The following NFIX variants were observed in gnomAD, a reference collection of about 807,000 sequenced individuals.
The protein encoded by NFIX is nuclear factor I X, also known as nuclear factor 1 X-type.
NFIX carries 2 observed loss-of-function variants against 53.3 expected under a neutral mutation model. The observed-to-expected ratio is 0.04, with a 90% CI of 0.02 to 0.12. The LOEUF is 0.12. NFIX is among the 10% of genes least tolerant of loss of function. NFIX has a pLI of 1.00. For synonymous variants in NFIX, 244 were observed against 289.0 expected (o/e 0.84, Z 1.58); for missense variants, 310 against 674.5 (o/e 0.46, Z 5.99).
chr19:13,091,872 C>T (rs1013824560), intron 10 of NFIX, among the ~76,000 whole-genome samples: 19 of 152,250 alleles, frequency 1.2e-4, no homozygotes, highest in African/African-American at 3.9e-4. Context: ...ACCCTGTTTC[C>T]GCTGCCTCCT....
chr19:13,017,838 G>A lies in NFIX; in HGVS notation c.28-7183G>A, dbSNP rs904412804. The stretch of plus-strand genomic sequence containing the variant: ...GTTCTTCTTCAGAAAGAGTTATGAA[G>A]CTGGCCTGTGCAGTTCTTCCCTCTT... On this transcript the variant is annotated intron_variant, in intron 1 of 10. Transcript: ENST00000592199. 3.3e-5 allele frequency among the ~76,000 whole-genome samples: 5 copies of A among 152,204 alleles called. No homozygotes were observed. The East Asian group carries it at 7.7e-4, about 23-fold the overall frequency.
At chr19:13,085,161 T>A (rs2017702535) in intron 8 of NFIX, among the ~76,000 whole-genome samples, 1 of 151,842 alleles carries the variant, frequency 6.6e-6, no homozygotes, top group South Asian at 2.1e-4. Context: ...CACTGCACAG[T>A]CACAAGACCT....
At chr19:13,086,061 G>C (rs1443655968) in intron 8 of NFIX, among the ~76,000 whole-genome samples, 1 of 152,238 alleles carries the variant, frequency 6.6e-6, no homozygotes, top group African/African-American at 2.4e-5. Context: ...TTTTTGAGCA[G>C]GTCTTGAAGG....
rs907720373 is a variant in NFIX at position 13,022,648 on chromosome 19, G to A, written c.28-2373G>A. On this transcript the variant is annotated intron_variant, in intron 1 of 10. Transcript: ENST00000592199. This position sits in a 1 kb window ranked among gnomAD's most constrained non-coding sequence, Gnocchi z 4.5. ...ACAGAAAAAGAGAGTGTGCAGGCCC[G>A]AGAGAAAGACTGAAACCAAAACACA... Among the ~76,000 whole-genome samples the A allele has an allele frequency of 5.3e-5, 8 of 152,054 alleles. No individual in the cohort carries two copies. The highest frequency in any genetic ancestry group is 3.9e-4 in the East Asian group (2 of 5,172).
At chr19:13,064,883 A>G (rs1171454922) in intron 2 of NFIX, among the ~76,000 whole-genome samples, 2 of 152,198 alleles carry the variant, frequency 1.3e-5, no homozygotes, top group Non-Finnish European at 1.5e-5. Context: ...AGCCCCAACT[A>G]TGAGCCAGGC....
Position 13,072,926 on chromosome 19 carries a change from G to C in NFIX, c.560-121G>C. The C allele has an allele frequency of 1.0e-6, 1 of 954,256 alleles. No homozygotes were observed. The highest frequency in any genetic ancestry group is 1.7e-6 in the Non-Finnish European group (1 of 584,104). The allele number at this position is 954,256 out of a possible 1,614,324, so 59.1% of individuals were successfully genotyped here. On this transcript the variant is annotated intron_variant, in intron 2 of 10. Transcript: ENST00000592199. This position sits in a 1 kb window ranked among gnomAD's most constrained non-coding sequence, Gnocchi z 4.0. ...TGGTTTGGGGAGAGGGTGGGGTGAA[G>C]GTTTCTGTAGCCAGGGTGGGCCGTC...
intron 1 of NFIX, among the ~76,000 whole-genome samples, chr19:13,003,288 G>A (rs540326850): frequency 1.6e-4 from 24 of 152,186 alleles, no homozygotes; most frequent in Admixed American, 1.2e-3. Context: ...GGCCACACCC[G>A]AACACATCGA....
rs1462587411 is a variant in NFIX at position 13,094,139 on chromosome 19, G to A, written c.1495-496G>A. ...TCCCCTGCCCCCAGTCTTTCAGCCT[G>A]TGGGACCTTGGCTGGGGTATATAGA... On this transcript the variant is annotated intron_variant, in intron 10 of 10. Transcript: ENST00000592199. This position sits in a 1 kb window ranked among gnomAD's most constrained non-coding sequence, Gnocchi z 4.3. 6.6e-6 allele frequency among the ~76,000 whole-genome samples: 1 copy of A among 152,200 alleles called. No homozygotes were observed. Among genetic ancestry groups the A allele is most frequent in the Non-Finnish European group, 1.5e-5 (1 of 68,030 alleles).
rs2016870148 is a variant in NFIX, at chr19:13,073,187, C to A, written c.622+78C>A. The stretch of plus-strand genomic sequence containing the variant: ...CCTTCCCCCACCCTGGCTGCCCTGG[C>A]CACCCTCACTTCTTCCCCTTCATTC... On this transcript the variant is annotated intron_variant, in intron 3 of 10. Transcript: ENST00000592199. This position sits in a 1 kb window ranked among gnomAD's most constrained non-coding sequence, Gnocchi z 4.5. 30 of 1,374,652 alleles carry A rather than the reference C, an allele frequency of 2.2e-5. 1 individual carries two copies. In the South Asian group the frequency reaches 3.3e-4, roughly 15 times the overall value. 85.2% of individuals were successfully genotyped at this position (1,374,652 alleles called of 1,614,324 possible).
intron 1 of NFIX, among the ~76,000 whole-genome samples, chr19:13,007,740 C>T (rs561857220): frequency 1.3e-5 from 2 of 149,882 alleles, no homozygotes; most frequent in South Asian, 2.2e-4. Flanking sequence ...GCGCCTCTCT[C>T]GGCACTAAAC....
At position 13,094,657 on chromosome 19, in the gene NFIX, G is replaced by T; in HGVS notation, c.*8G>T. 6.5e-7 allele frequency: 1 copy of T among 1,535,846 alleles called. No homozygotes were observed. The highest frequency in any genetic ancestry group is 8.7e-7 in the Non-Finnish European group (1 of 1,146,668). On this transcript the variant is annotated 3_prime_UTR_variant, in exon 11 of 11. Transcript: ENST00000592199. This position sits in a 1 kb window ranked among gnomAD's most constrained non-coding sequence, Gnocchi z 4.3. ...CAGTCCTGGTTCCTCTGATAAGATCGACAAAAGAAACAACAAAATGAGAAG... is the reference window on the plus strand; with the variant it reads ...CAGTCCTGGTTCCTCTGATAAGATCTACAAAAGAAACAACAAAATGAGAAG...
chr19:13,050,427 T>G (rs2015256582), intron 2 of NFIX, among the ~76,000 whole-genome samples: 1 of 152,228 alleles, frequency 6.6e-6, no homozygotes, highest in Non-Finnish European at 1.5e-5. Flanking sequence ...AGTCCCTCCC[T>G]CTGAGGGGGC....
chr19:13,090,431 G>A lies in NFIX; in HGVS notation c.1494+41G>A. On this transcript the variant is annotated intron_variant, in intron 10 of 10. Coordinates refer to ENST00000592199, the MANE Select transcript of NFIX (RefSeq NM_001365902.3). The surrounding 1 kb of genome is among the most constrained non-coding windows in gnomAD (Gnocchi z 6.6). ...CACCACCTGGATGCAGGGACCAGGG[G>A]AGTAGTCAGGGTTGGGGGGCATCTT... is the stretch of plus-strand genomic sequence containing the variant. 5.1e-6 allele frequency: 8 copies of A among 1,575,878 alleles called. No individual in the cohort carries two copies. The highest frequency in any genetic ancestry group is 7.0e-6 in the Non-Finnish European group (8 of 1,145,634).
At position 12,998,742 on chromosome 19, in the gene NFIX, G is replaced by A. The variant is rs1160987629; in HGVS notation, c.27+2878G>A. On this transcript the variant is annotated intron_variant, in intron 1 of 10. Transcript: ENST00000592199. This position sits in a 1 kb window ranked among gnomAD's most constrained non-coding sequence, Gnocchi z 4.4. The stretch of plus-strand genomic sequence containing the variant: ...ACCCACGACCATCGACGAGCCTACA[G>A]ACCTACGGACACAGGAAACCGACGA... Among the ~76,000 whole-genome samples the A allele has an allele frequency of 6.6e-6, 1 of 152,156 alleles. No individual in the cohort carries two copies. Among genetic ancestry groups the A allele is most frequent in the East Asian group, 1.9e-4 (1 of 5,194 alleles).
intron 2 of NFIX, among the ~76,000 whole-genome samples, chr19:13,034,089 T>C (rs1331732433): frequency 2.0e-5 from 3 of 152,196 alleles, no homozygotes; most frequent in Admixed American, 6.5e-5. Flanking sequence ...TACCTGGAGC[T>C]CATTCTGAGG....
rs1481181238 is a variant in NFIX at position 12,998,618 on chromosome 19, C to A, written c.27+2754C>A. 6.6e-6 allele frequency among the ~76,000 whole-genome samples: 1 copy of A among 152,024 alleles called. No homozygotes were observed. Among genetic ancestry groups the A allele is most frequent in the Non-Finnish European group, 1.5e-5 (1 of 68,006 alleles). ...GATGGACCCCCATCCCCATCCCAAC[C>A]CTGCCAAGAAACAGAGACACAACCA... is the stretch of plus-strand genomic sequence containing the variant. On this transcript the variant is annotated intron_variant, in intron 1 of 10. Transcript: ENST00000592199. The surrounding 1 kb of genome is among the most constrained non-coding windows in gnomAD (Gnocchi z 4.4).
At chr19:12,999,487 AACACACACACACACAC>A (rs111890375) in intron 1 of NFIX, among the ~76,000 whole-genome samples, 1,749 of 149,488 alleles carry the variant, frequency 0.012, 37 homozygotes, top group African/African-American at 0.041. Flanking sequence ...TACCTTTTCA[AACACACACACACACAC>A]ACACACACAC....
intron 2 of NFIX, among the ~76,000 whole-genome samples, chr19:13,046,472 C>T (rs755215001): frequency 2.6e-5 from 4 of 151,732 alleles, no homozygotes; most frequent in East Asian, 1.9e-4. Context: ...CCTTCCCCCC[C>T]CCTCTTTTTT....
Position 13,090,373 on chromosome 19 carries a change from A to T in NFIX, c.1477A>T (p.Ile493Phe). Residue 493 changes from isoleucine (I) to phenylalanine (F), a missense_variant, in exon 10 of 11, where the codon ATC (isoleucine) becomes TTC (phenylalanine). Ile to Phe is a conservative substitution (Grantham distance 21). This residue lies in a region of NFIX where 44 missense variants were observed against 73.4 expected (regional missense o/e 0.60). Coordinates refer to ENST00000592199, the MANE Select transcript of NFIX (RefSeq NM_001365902.3). The surrounding 1 kb of genome is among the most constrained non-coding windows in gnomAD (Gnocchi z 6.6). Reference sequence around the variant, plus strand: ...ACCCCGGGACGGCAACTTTCTGAACATCCCACAGCAGTCTCAGGTAGGAGA... The same window carrying T: ...ACCCCGGGACGGCAACTTTCTGAACTTCCCACAGCAGTCTCAGGTAGGAGA... ...IGPRDGNFLN[I>F]PQQSQSWFL 1 of 1,613,556 alleles carries T rather than the reference A, an allele frequency of 6.2e-7. No homozygotes were observed. Among genetic ancestry groups the T allele is most frequent in the Non-Finnish European group, 8.5e-7 (1 of 1,179,692 alleles).
Sources: gnomAD v4.1 joint callset for allele counts (sites outside exome capture counted in the v4.1 genomes callset) on GRCh38, gnomAD v4.1.1 for gene constraint, gnomAD v4.1.1 regional missense constraint, Gnocchi (gnomAD v3.1) non-coding constraint, MANE v1.5 for transcripts, NCBI Gene and HGNC (gene_info 2026-07-23, HGNC 2026-07-21) for gene names.